SLC6A15: variants seen among roughly 807,000 people sequenced by gnomAD.
SLC6A15 encodes solute carrier family 6 member 15.
In SLC6A15, 33 loss-of-function variants were observed where a neutral mutation model predicts 68.5. The ratio of observed to expected loss-of-function variants is 0.48; its 90% confidence interval spans 0.37 to 0.64. The LOEUF (loss-of-function observed/expected upper bound fraction) is 0.64. Ranked by LOEUF, SLC6A15 falls within the 30% of genes least tolerant of loss-of-function variation. SLC6A15 has a pLI of 0.00. For synonymous variants in SLC6A15, 347 were observed against 301.0 expected, an observed-to-expected ratio of 1.15 and a Z score of -1.58; for missense variants, 747 against 874.3, an observed-to-expected ratio of 0.85 and a Z score of 1.84.
intron 5 of SLC6A15, among the ~76,000 whole-genome samples, chr12:84,877,270 A>T (rs777727030): frequency 3.3e-4 from 50 of 152,186 alleles, no homozygotes; most frequent in Non-Finnish European, 6.3e-4. Context: ...CCTCAAAGCT[A>T]TTCCCACCCA....
chr12:84,904,408 A>G (rs192984520), intron 1 of SLC6A15, among the ~76,000 whole-genome samples: 27 of 152,288 alleles, frequency 1.8e-4, no homozygotes, highest in African/African-American at 6.3e-4. Flanking sequence ...GATTTTAAAA[A>G]GTCATTATTT....
chr12:84,869,444 G>A (rs886991525), intron 9 of SLC6A15, among the ~76,000 whole-genome samples: 9 of 120,420 alleles, frequency 7.5e-5, no homozygotes, highest in Admixed American at 1.2e-4. Context: ...CAGCCTGGGC[G>A]ACAGAGCAAG....
At chr12:84,870,694 C>T (rs377485544) in intron 8 of SLC6A15, 24 bp from the exon 9 acceptor site, 255 of 1,510,610 alleles carry the variant, frequency 1.7e-4, no homozygotes, top group Admixed American at 4.2e-4. Flanking sequence ...AAAATAGCAA[C>T]ATTAGTACAG....
At position 84,891,417 on chromosome 12, in the gene SLC6A15, CTTAAAA is replaced by C. The variant is rs551119464; in HGVS notation, c.289+409_289+414del. Among the ~76,000 whole-genome samples the C allele has an allele frequency of 9.1e-3, 1,385 of 152,246 alleles. 13 individuals are homozygous for C. Among genetic ancestry groups the C allele is most frequent in the South Asian group, 0.015 (72 of 4,828 alleles). On this transcript the variant is annotated intron_variant, in intron 2 of 11. Coordinates refer to ENST00000266682, the MANE Select transcript of SLC6A15 (RefSeq NM_182767.6). ...TTGTATTTTTTGAAGAATGAGGCAA[CTTAAAA>C]TTAAGAATTAATAAATCACGGAGAG...
rs193133099 is a variant in SLC6A15 at position 84,885,683 on chromosome 12, A to T, written c.448-122T>A. On this transcript the variant is annotated intron_variant, in intron 3 of 11. Coordinates refer to ENST00000266682, the MANE Select transcript of SLC6A15 (RefSeq NM_182767.6). Reference sequence around the variant, plus strand: ...CTCTTCATTTTATTATTTATTTGGGACACATTATCTTTTCTAAAAAGTTAA... The same window carrying T: ...CTCTTCATTTTATTATTTATTTGGGTCACATTATCTTTTCTAAAAAGTTAA... 5.2e-6 allele frequency: 6 copies of T among 1,160,836 alleles called. No individual in the cohort carries two copies. In the Admixed American group the frequency reaches 1.6e-4, roughly 31 times the overall value. 71.9% of individuals were successfully genotyped at this position (1,160,836 alleles called of 1,614,324 possible).
At chr12:84,898,554 T>C (rs1592612101) in intron 1 of SLC6A15, among the ~76,000 whole-genome samples, 1 of 152,308 alleles carries the variant, frequency 6.6e-6, no homozygotes, top group East Asian at 1.9e-4. Context: ...CTCTGTCACT[T>C]ATGATTTTAT....
chr12:84,864,400 A>G (rs1401201816), intron 10 of SLC6A15, among the ~76,000 whole-genome samples: 10 of 150,280 alleles, frequency 6.7e-5, no homozygotes, highest in Admixed American at 6.7e-4. Context: ...ACTCACTGCA[A>G]CCTCATCTTC....
intron 9 of SLC6A15, 31 bp from the exon 10 acceptor site, chr12:84,867,224 A>G (rs2120547505): frequency 6.5e-7 from 1 of 1,546,604 alleles, no homozygotes; most frequent in Non-Finnish European, 8.7e-7. Flanking sequence ...AAAAAATGAG[A>G]CTCTATTCAG....
intron 1 of SLC6A15, among the ~76,000 whole-genome samples, chr12:84,893,323 G>A (rs1341468855): frequency 1.3e-5 from 2 of 152,130 alleles, no homozygotes; most frequent in African/African-American, 4.8e-5. Flanking sequence ...ATAAGGAAAA[G>A]TATAAATGAG....
intron 4 of SLC6A15, 138 bp downstream of exon 4, chr12:84,885,297 T>C: frequency 2.5e-6 from 2 of 811,656 alleles, no homozygotes; most frequent in Non-Finnish European, 3.5e-6. Context: ...CAATCCTGAA[T>C]GTGAGCAAAG....
intron 1 of SLC6A15, among the ~76,000 whole-genome samples, chr12:84,899,346 T>C (rs942256538): frequency 5.9e-5 from 9 of 152,178 alleles, no homozygotes; most frequent in Non-Finnish European, 1.2e-4. Flanking sequence ...GCCACTATCT[T>C]TGAAAAAATT....
intron 1 of SLC6A15, among the ~76,000 whole-genome samples, chr12:84,898,901 C>A (rs1189141991): frequency 3.3e-5 from 5 of 152,188 alleles, no homozygotes; most frequent in Non-Finnish European, 7.3e-5. Flanking sequence ...CAATTTAATT[C>A]TTTCATGATT....
intron 5 of SLC6A15, among the ~76,000 whole-genome samples, chr12:84,878,663 T>C (rs992546125): frequency 6.6e-6 from 1 of 152,072 alleles, no homozygotes; most frequent in Non-Finnish European, 1.5e-5. Context: ...TTATATTTTA[T>C]CTTTATATTT....
intron 1 of SLC6A15, among the ~76,000 whole-genome samples, chr12:84,896,709 A>G (rs1872651339): frequency 6.6e-6 from 1 of 152,268 alleles, no homozygotes; most frequent in Admixed American, 6.5e-5. Context: ...ACACAGGAAG[A>G]AACATAAGCA....
At position 84,886,078 on chromosome 12, in the gene SLC6A15, C is replaced by A; in HGVS notation, c.290-10G>T. On this transcript the variant is annotated splice_polypyrimidine_tract_variant and intron_variant, in intron 2 of 11. Coordinates refer to ENST00000266682, the MANE Select transcript of SLC6A15 (RefSeq NM_182767.6). Reference sequence around the variant, plus strand: ...GGTAAAAGATATGCACCTAAAGAAACAACAACAAAAAATAGATTATATTTT... The same window carrying A: ...GGTAAAAGATATGCACCTAAAGAAAAAACAACAAAAAATAGATTATATTTT... The A allele has an allele frequency of 1.9e-6, 3 of 1,544,790 alleles. No homozygotes were observed. The highest frequency in any genetic ancestry group is 1.8e-5 in the Admixed American group (1 of 55,456).
At chr12:84,890,943 T>C (rs1474096321) in intron 2 of SLC6A15, among the ~76,000 whole-genome samples, 1 of 152,162 alleles carries the variant, frequency 6.6e-6, no homozygotes, top group Non-Finnish European at 1.5e-5. Flanking sequence ...TAACAGCATG[T>C]ACGTGTACAT....
chr12:84,876,035 T>C (rs1871521329), intron 6 of SLC6A15, among the ~76,000 whole-genome samples: 1 of 151,598 alleles, frequency 6.6e-6, no homozygotes, highest in East Asian at 1.9e-4. Context: ...TTAGGGTCCA[T>C]GGATTCTAGA....
intron 1 of SLC6A15, among the ~76,000 whole-genome samples, chr12:84,911,333 G>A (rs1427776074): frequency 2.6e-5 from 4 of 152,162 alleles, no homozygotes; most frequent in African/African-American, 9.7e-5. Flanking sequence ...GACTAAGATT[G>A]GGTCTACCTA....
intron 1 of SLC6A15, among the ~76,000 whole-genome samples, chr12:84,912,251 T>G (rs1373838780): frequency 6.6e-6 from 1 of 152,126 alleles, no homozygotes; most frequent in Non-Finnish European, 1.5e-5. Context: ...GCGGCACGTT[T>G]CAACCCATGT....
Sources: allele counts gnomAD v4.1 joint callset (sites outside exome capture counted in the v4.1 genomes callset), GRCh38; gene constraint gnomAD v4.1.1; transcripts MANE v1.5; gene names NCBI Gene and HGNC (gene_info 2026-07-23, HGNC 2026-07-21).